KCNK9: variants seen among roughly 807,000 people sequenced by gnomAD.
KCNK9 encodes the protein potassium two pore domain channel subfamily K member 9, also known as potassium channel subfamily K member 9.
KCNK9 carries 1 observed loss-of-function variant against 10.8 expected under a neutral mutation model. That is an observed-to-expected ratio of 0.09 (90% CI 0.03 to 0.44). The LOEUF is 0.44. Among genes scored for constraint, KCNK9 ranks in the 20% least tolerant of loss-of-function variants. KCNK9 has a pLI of 0.97. For synonymous variants in KCNK9, 231 were observed against 222.7 expected, an observed-to-expected ratio of 1.04 and a Z score of -0.33; for missense variants, 303 against 515.0, an observed-to-expected ratio of 0.59 and a Z score of 3.98.
intron 1 of KCNK9, among the ~76,000 whole-genome samples, chr8:139,628,204 T>C (rs1029873110): frequency 2.0e-5 from 3 of 152,160 alleles, no homozygotes; most frequent in African/African-American, 7.2e-5. Flanking sequence ...ACCCACAACA[T>C]ACACGGCTCT....
chr8:139,648,047 C>T (rs920225103), intron 1 of KCNK9, among the ~76,000 whole-genome samples: 10 of 152,152 alleles, frequency 6.6e-5, no homozygotes, highest in African/African-American at 2.4e-4. Flanking sequence ...TCAAATAAGA[C>T]CTGGAATTTT....
intron 1 of KCNK9, among the ~76,000 whole-genome samples, chr8:139,643,826 A>G (rs1815585203): frequency 6.6e-6 from 1 of 152,046 alleles, no homozygotes; most frequent in African/African-American, 2.4e-5. Context: ...AACCGCCGCC[A>G]CCTTCAGGTA....
chr8:139,665,714 G>T (rs368818143), intron 1 of KCNK9, among the ~76,000 whole-genome samples: 2 of 152,280 alleles, frequency 1.3e-5, no homozygotes, highest in Non-Finnish European at 2.9e-5. Context: ...GTGCACAAAG[G>T]GCTGCCATCA....
At chr8:139,658,141 G>T (rs1480224398) in intron 1 of KCNK9, among the ~76,000 whole-genome samples, 1 of 152,228 alleles carries the variant, frequency 6.6e-6, no homozygotes, top group Non-Finnish European at 1.5e-5. Flanking sequence ...TGAAGAGAGA[G>T]TTTGCAGAGG....
At chr8:139,646,630 G>T (rs1436517138) in intron 1 of KCNK9, among the ~76,000 whole-genome samples, 2 of 152,218 alleles carry the variant, frequency 1.3e-5, no homozygotes, top group African/African-American at 4.8e-5. Flanking sequence ...TGTTTTTATT[G>T]CTGGGAAAAA....
At chr8:139,668,175 A>C (rs1164653058) in intron 1 of KCNK9, among the ~76,000 whole-genome samples, 1 of 152,020 alleles carries the variant, frequency 6.6e-6, no homozygotes, top group African/African-American at 2.4e-5. Flanking sequence ...TTTGCTGAGG[A>C]ATGTTTTGGA....
intron 2 of KCNK9, among the ~76,000 whole-genome samples, chr8:139,602,245 C>G (rs1245047519): frequency 6.6e-6 from 1 of 152,222 alleles, no homozygotes; most frequent in Non-Finnish European, 1.5e-5. Flanking sequence ...GGAGGGGCTG[C>G]TGCACAGCCT....
intron 2 of KCNK9, among the ~76,000 whole-genome samples, chr8:139,602,568 A>G (rs898774832): frequency 1.3e-5 from 2 of 152,216 alleles, no homozygotes; most frequent in Non-Finnish European, 2.9e-5. Context: ...CGCAATGCCT[A>G]CCACACGATG....
At position 139,690,157 on chromosome 8, in the gene KCNK9, C is replaced by T. The variant is rs1474216065; in HGVS notation, c.283+12553G>A. Among the ~76,000 whole-genome samples, 21 of 151,918 alleles carry T rather than the reference C, an allele frequency of 1.4e-4. 1 individual carries two copies. The highest frequency in any genetic ancestry group is 1.4e-3 in the Admixed American group (21 of 15,248). On this transcript the variant is annotated intron_variant, in intron 1 of 1. Transcript: ENST00000520439. ...GGTGAAAAGACACTGTATGTAACAA[C>T]ATAGTTAGCACAGACTCTGAAGTCA...
chr8:139,610,698 A>G (rs1023587522), downstream of KCNK9, among the ~76,000 whole-genome samples: 1 of 152,246 alleles, frequency 6.6e-6, no homozygotes, highest in African/African-American at 2.4e-5. Context: ...CTAGATGGAT[A>G]GTGCCTCCCT....
chr8:139,682,071 G>C (rs960263317), intron 1 of KCNK9, among the ~76,000 whole-genome samples: 1 of 152,326 alleles, frequency 6.6e-6, no homozygotes, highest in Admixed American at 6.5e-5. Flanking sequence ...GAGCACGAGG[G>C]GTGCAGGGAG....
intron 1 of KCNK9, among the ~76,000 whole-genome samples, chr8:139,642,584 G>C (rs376524772): frequency 1.6e-4 from 25 of 152,196 alleles, no homozygotes; most frequent in South Asian, 1.5e-3. Flanking sequence ...GCCCTGGAAG[G>C]CTCCTCCTCC....
At chr8:139,645,204 C>T (rs185264134) in intron 1 of KCNK9, among the ~76,000 whole-genome samples, 1 of 152,316 alleles carries the variant, frequency 6.6e-6, no homozygotes, top group Non-Finnish European at 1.5e-5. Flanking sequence ...TGCTGTGGGC[C>T]CGAGGAAGAC....
intron 1 of KCNK9, among the ~76,000 whole-genome samples, chr8:139,653,131 CT>C (rs1186579609): frequency 2.0e-5 from 3 of 152,130 alleles, no homozygotes; most frequent in African/African-American, 7.2e-5. Flanking sequence ...TGCTCAGGGG[CT>C]TTACTGTGAG....
At chr8:139,701,095 C>G (rs770998988) in intron 1 of KCNK9, among the ~76,000 whole-genome samples, 4 of 152,188 alleles carry the variant, frequency 2.6e-5, no homozygotes, top group African/African-American at 9.7e-5. Context: ...AGCAAACAGG[C>G]CCCTGTCTCC....
intron 1 of KCNK9, among the ~76,000 whole-genome samples, chr8:139,659,047 G>T (rs111475038): frequency 1.3e-5 from 2 of 152,340 alleles, no homozygotes; most frequent in African/African-American, 2.4e-5. Context: ...GGGAAGACAA[G>T]TTAGCCAGAA....
chr8:139,653,350 C>A lies in KCNK9; in HGVS notation c.284-34251G>T, dbSNP rs1209575640. 2.0e-5 allele frequency among the ~76,000 whole-genome samples: 3 copies of A among 152,132 alleles called. 1 individual carries two copies. The highest frequency in any genetic ancestry group is 7.2e-5 in the African/African-American group (3 of 41,442). On this transcript the variant is annotated intron_variant, in intron 1 of 1. Transcript: ENST00000520439. ...AACAGTACCTAAAATTTCTTTGTGA[C>A]ATATTTGCTTAAGCCTAAGCAAAAT...
intron 1 of KCNK9, among the ~76,000 whole-genome samples, chr8:139,692,346 A>C (rs1816950751): frequency 6.6e-6 from 1 of 152,240 alleles, no homozygotes; most frequent in African/African-American, 2.4e-5. Flanking sequence ...CAATGACAAG[A>C]AGGTGAACAT....
At chr8:139,700,485 T>TACACACACAC (rs374444340) in intron 1 of KCNK9, among the ~76,000 whole-genome samples, 24 of 142,872 alleles carry the variant, frequency 1.7e-4, no homozygotes, top group Middle Eastern at 3.6e-3. Flanking sequence ...CACATACACA[T>TACACACACAC]ACACACACAC....
Sources: allele counts gnomAD v4.1 joint callset (sites outside exome capture counted in the v4.1 genomes callset), GRCh38; gene constraint gnomAD v4.1.1; transcripts MANE v1.5; gene names NCBI Gene and HGNC (gene_info 2026-07-23, HGNC 2026-07-21).